ACYP2: variants seen among roughly 807,000 people sequenced by gnomAD.
The protein encoded by ACYP2 is acylphosphatase-2.
Under a neutral mutation model 11.2 loss-of-function variants are expected in ACYP2, and 12 were observed. The observed-to-expected ratio is 1.08, with a 90% CI of 0.69 to 1.74. The LOEUF is 1.74. Among genes scored for constraint, ACYP2 ranks in the 40% most tolerant of loss-of-function variants. The probability of loss-of-function intolerance (pLI) is 0.00; values close to 1 mark genes in which losing one functional copy is unlikely to be tolerated. For missense variants in ACYP2, 134 were observed against 101.9 expected (o/e 1.31, Z -1.35); for synonymous variants, 43 against 32.2 (o/e 1.33, Z -1.13).
intron 4 of ACYP2, among the ~76,000 whole-genome samples, chr2:54,116,994 G>T (rs917137140): frequency 3.3e-5 from 5 of 152,206 alleles, no homozygotes; most frequent in Non-Finnish European, 5.9e-5. Flanking sequence ...TGGAGCAGGT[G>T]ACCAGAGGAA....
chr2:54,005,826 T>C (rs1007168918), intron 2 of ACYP2, among the ~76,000 whole-genome samples: 15 of 152,238 alleles, frequency 9.9e-5, no homozygotes, highest in Non-Finnish European at 2.2e-4. Context: ...TGCCTTTCCA[T>C]ATAAACTTTA....
At position 54,201,636 on chromosome 2, in the gene ACYP2, C is replaced by CTTTCTTTCTTTCTTTGTTTCTTTT. The variant is rs59874821; in HGVS notation, c.404+62889_404+62890insTTCTTTCTTTCTTTGTTTCTTTTT. ...TCTTTCTTTCTTTGTTTCTTTCTTT[C>CTTTCTTTCTTTCTTTGTTTCTTTT]TCTTTCTTTCTTTCTTTCTTTCTTT... On this transcript the variant is annotated intron_variant, in intron 6 of 6. Coordinates refer to ENST00000607452, the MANE Select transcript of ACYP2 (RefSeq NM_001320586.2). 3.1e-3 allele frequency among the ~76,000 whole-genome samples: 294 copies of CTTTCTTTCTTTCTTTGTTTCTTTT among 93,688 alleles called. 10 individuals carry two copies. The highest frequency in any genetic ancestry group is 9.3e-3 in the East Asian group (29 of 3,106). The allele number at this position is 93,688 out of a possible 152,430, so 61.5% of individuals were successfully genotyped here.
rs747724384 is a variant in ACYP2 at position 54,151,861 on chromosome 2, T to A, written c.404+13113T>A. 2.0e-5 allele frequency among the ~76,000 whole-genome samples: 3 copies of A among 152,160 alleles called. No individual in the cohort carries two copies. In the South Asian group the frequency reaches 6.2e-4, roughly 32 times the overall value. ...TTACTTTTTATCTTTTTTTCTTTAA[T>A]CAGCTTTCTCAGGTAGCAACTAATT... On this transcript the variant is annotated intron_variant, in intron 6 of 6. Coordinates refer to ENST00000607452, the MANE Select transcript of ACYP2 (RefSeq NM_001320586.2).
intron 6 of ACYP2, among the ~76,000 whole-genome samples, chr2:54,252,467 TAAAGTATCTGTAC>T (rs1687271874): frequency 6.6e-6 from 1 of 152,194 alleles, no homozygotes; most frequent in Non-Finnish European, 1.5e-5. Context: ...AACAACTTTC[TAAAGTATCTGTAC>T]AAAGCTGCTC....
chr2:54,044,864 A>G (rs1056951478), intron 2 of ACYP2, among the ~76,000 whole-genome samples: 1 of 152,200 alleles, frequency 6.6e-6, no homozygotes, highest in Admixed American at 6.5e-5. Flanking sequence ...CTTTACAAAA[A>G]TTAATCAGAA....
At chr2:54,103,376 T>G (rs924770401) in intron 4 of ACYP2, among the ~76,000 whole-genome samples, 15 of 152,240 alleles carry the variant, frequency 9.9e-5, no homozygotes, top group Non-Finnish European at 2.1e-4. Context: ...CATTTTGCTG[T>G]TAGGACAGTG....
At chr2:54,276,195 AAGT>A (rs61511149) in intron 6 of ACYP2, among the ~76,000 whole-genome samples, 55,158 of 151,550 alleles carry the variant, frequency 0.36, 11,716 homozygotes, top group Non-Finnish European at 0.48. Context: ...TTTACAGAAA[AAGT>A]AAAAGTCCTT....
At chr2:53,990,291 C>G (rs944056648) in intron 2 of ACYP2, among the ~76,000 whole-genome samples, 1 of 151,994 alleles carries the variant, frequency 6.6e-6, no homozygotes, top group Non-Finnish European at 1.5e-5. Context: ...TAACACTTTT[C>G]AGTAAATTCA....
intron 6 of ACYP2, among the ~76,000 whole-genome samples, chr2:54,153,742 G>A (rs1682304994): frequency 6.6e-6 from 1 of 151,706 alleles, no homozygotes; most frequent in South Asian, 2.1e-4. Flanking sequence ...TGGGACTACA[G>A]GTGCCTGCCA....
At chr2:54,031,697 C>T (rs548780793) in intron 2 of ACYP2, among the ~76,000 whole-genome samples, 1 of 152,302 alleles carries the variant, frequency 6.6e-6, no homozygotes, top group Admixed American at 6.5e-5. Flanking sequence ...TGAGGAATCG[C>T]CACACTGTCT....
intron 6 of ACYP2, among the ~76,000 whole-genome samples, chr2:54,217,648 C>T (rs1251873901): frequency 6.6e-6 from 1 of 152,140 alleles, no homozygotes; most frequent in African/African-American, 2.4e-5. Flanking sequence ...ACTGAGATTA[C>T]AGGCGTGAGC....
intron 6 of ACYP2, among the ~76,000 whole-genome samples, chr2:54,263,193 C>A (rs1687855655): frequency 6.6e-6 from 1 of 152,128 alleles, no homozygotes. Context: ...AGGAAGCTTA[C>A]AATCATGGCG....
chr2:54,057,833 C>A (rs923557262), intron 4 of ACYP2, among the ~76,000 whole-genome samples: 1 of 152,024 alleles, frequency 6.6e-6, no homozygotes, highest in African/African-American at 2.4e-5. Flanking sequence ...AATGAGGTCA[C>A]CATTTGAGAG....
intron 2 of ACYP2, among the ~76,000 whole-genome samples, chr2:54,012,093 A>G (rs951795080): frequency 6.6e-6 from 1 of 152,098 alleles, no homozygotes; most frequent in African/African-American, 2.4e-5. Context: ...AAAATTAGCC[A>G]GGCGTGGTGG....
chr2:54,260,564 A>C (rs543685929), intron 6 of ACYP2, among the ~76,000 whole-genome samples: 1 of 152,200 alleles, frequency 6.6e-6, no homozygotes, highest in Non-Finnish European at 1.5e-5. Context: ...GAAGACATAC[A>C]GGATGAGGTC....
chr2:54,240,143 G>A (rs913452292), intron 6 of ACYP2, among the ~76,000 whole-genome samples: 1 of 152,130 alleles, frequency 6.6e-6, no homozygotes, highest in Non-Finnish European at 1.5e-5. Context: ...TGGAATTAAC[G>A]TAATGAAGGT....
intron 2 of ACYP2, among the ~76,000 whole-genome samples, chr2:54,041,611 A>G (rs1675232331): frequency 6.6e-6 from 1 of 152,170 alleles, no homozygotes. Context: ...GCACAGGTGT[A>G]CGACTGGACT....
intron 4 of ACYP2, chr2:54,115,688 TCGC>T: frequency 6.2e-7 from 1 of 1,610,220 alleles, no homozygotes; most frequent in Non-Finnish European, 8.5e-7. Context: ...AACAGAGGGC[TCGC>T]CGCCGCCATG....
At chr2:54,009,874 T>C (rs1243319855) in intron 2 of ACYP2, among the ~76,000 whole-genome samples, 2 of 152,212 alleles carry the variant, frequency 1.3e-5, no homozygotes, top group African/African-American at 4.8e-5. Context: ...CAGGAAGTCT[T>C]TGAGAAATTT....
Sources: gnomAD v4.1 joint callset for allele counts (sites outside exome capture counted in the v4.1 genomes callset) on GRCh38, gnomAD v4.1.1 for gene constraint, MANE v1.5 for transcripts, NCBI Gene and HGNC (gene_info 2026-07-23, HGNC 2026-07-21) for gene names.